The following GABRA3 variants were observed in gnomAD, a reference collection of about 807,000 sequenced individuals.
GABRA3 encodes gamma-aminobutyric acid type A receptor subunit alpha3.
In GABRA3, 10 loss-of-function variants were observed where a neutral mutation model predicts 30.1. That is an observed-to-expected ratio of 0.33 (90% CI 0.20 to 0.56). The LOEUF is 0.56. GABRA3 is among the 20% of genes least tolerant of loss of function. The pLI is 0.89. For missense variants in GABRA3, 233 were observed against 392.0 expected, an observed-to-expected ratio of 0.59 and a Z score of 3.42; for synonymous variants, 151 against 146.8, an observed-to-expected ratio of 1.03 and a Z score of -0.21.
intron 1 of GABRA3, among the ~76,000 whole-genome samples, chrX:152,439,305 G>A (rs1930859453): frequency 9.1e-6 from 1 of 110,176 alleles, no homozygotes. Context: ...GCTAATTTTT[G>A]TATTTTTAGT....
intron 5 of GABRA3, among the ~76,000 whole-genome samples, chrX:152,226,769 A>G (rs1338666079): frequency 8.9e-6 from 1 of 112,073 alleles, no homozygotes; most frequent in Non-Finnish European, 1.9e-5. Flanking sequence ...GCAGCCAAAA[A>G]ACACATGAAA....
intron 2 of GABRA3, among the ~76,000 whole-genome samples, chrX:152,363,727 T>C (rs1158394916): frequency 8.9e-6 from 1 of 112,421 alleles, no homozygotes; most frequent in East Asian, 2.8e-4. Flanking sequence ...CAGAGAATTA[T>C]AGTGTCTCTG....
chrX:152,358,917 T>C (rs1940591829), intron 2 of GABRA3, among the ~76,000 whole-genome samples: 1 of 112,007 alleles, frequency 8.9e-6, no homozygotes. Context: ...AAAGTCTACT[T>C]GATCATGGTG....
At chrX:152,320,568 A>G (rs766555249) in intron 3 of GABRA3, among the ~76,000 whole-genome samples, 9 of 111,028 alleles carry the variant, frequency 8.1e-5, no homozygotes, top group African/African-American at 2.9e-4. Context: ...TTGAGGACTC[A>G]GGGGAAAGGG....
In GABRA3 at chrX:152,405,306, C is replaced by CAAA. The variant is rs1182138088; in HGVS notation, c.-26-40713_-26-40711dup. Among the ~76,000 whole-genome samples the CAAA allele has an allele frequency of 8.2e-3, 275 of 33,708 alleles. 6 individuals are homozygous for CAAA. Among genetic ancestry groups the CAAA allele is most frequent in the African/African-American group, 0.024 (265 of 11,068 alleles). 29.3% of individuals were successfully genotyped at this position (33,708 alleles called of 115,157 possible). ...GCCAGAGGGTACTTACGCACCCTTG[C>CAAA]AAAAAAAAAAAAAAAAAAAAAATGC... On this transcript the variant is annotated intron_variant, in intron 1 of 9. Transcript: ENST00000370314.
At chrX:152,368,975 G>A (rs1327016408) in intron 1 of GABRA3, among the ~76,000 whole-genome samples, 1 of 111,320 alleles carries the variant, frequency 9.0e-6, no homozygotes, top group African/African-American at 3.3e-5. Context: ...AAAGTGCTGG[G>A]ATTACAGGCG....
intron 9 of GABRA3, among the ~76,000 whole-genome samples, chrX:152,186,599 A>ATCTCTCTCTCTCTC (rs765821292): frequency 1.0e-5 from 1 of 96,309 alleles, no homozygotes; most frequent in African/African-American, 3.8e-5. Context: ...TCCTTCCTTT[A>ATCTCTCTCTCTCTC]TCTCTCTCTC....
intron 2 of GABRA3, among the ~76,000 whole-genome samples, chrX:152,355,309 C>T (rs945689981): frequency 9.0e-6 from 1 of 111,631 alleles, no homozygotes; most frequent in African/African-American, 3.3e-5. Flanking sequence ...CTATTCTCCA[C>T]CCCGTTCTCC....
At chrX:152,384,832 T>C (rs1929253520) in intron 1 of GABRA3, among the ~76,000 whole-genome samples, 1 of 111,613 alleles carries the variant, frequency 9.0e-6, no homozygotes, top group Non-Finnish European at 1.9e-5. Flanking sequence ...ATGGTAGACG[T>C]TTGTCACACA....
intron 1 of GABRA3, among the ~76,000 whole-genome samples, chrX:152,385,750 A>G (rs1380120066): frequency 1.8e-5 from 2 of 111,600 alleles, no homozygotes; most frequent in East Asian, 2.8e-4. Flanking sequence ...TCTTTAATCC[A>G]TCTTGAATTA....
At chrX:152,399,138 T>C (rs1929731834) in intron 1 of GABRA3, among the ~76,000 whole-genome samples, 1 of 111,407 alleles carries the variant, frequency 9.0e-6, no homozygotes, top group Non-Finnish European at 1.9e-5. Context: ...TTCTTGGAAG[T>C]ATCTTAAGAT....
At chrX:152,303,828 G>T (rs1001591960) in intron 3 of GABRA3, among the ~76,000 whole-genome samples, 43 of 110,383 alleles carry the variant, frequency 3.9e-4, no homozygotes, top group African/African-American at 1.2e-3. Context: ...GGGGCCAACG[G>T]GGGGAGAGCA....
At chrX:152,408,407 T>C (rs1411948114) in intron 1 of GABRA3, among the ~76,000 whole-genome samples, 2 of 111,636 alleles carry the variant, frequency 1.8e-5, no homozygotes, top group Non-Finnish European at 3.8e-5. Flanking sequence ...ATGCAAAAAT[T>C]AGTAGCATGT....
At position 152,364,580 on chromosome X, in the gene GABRA3, C is replaced by T. The variant is rs1206777229; in HGVS notation, c.-10G>A. On this transcript the variant is annotated 5_prime_UTR_variant, in exon 2 of 10. Coordinates refer to ENST00000370314, the MANE Select transcript of GABRA3 (RefSeq NM_000808.4). ...TTTGTGTGATTATCATCTTCTTAGG[C>T]ACAAACTTGGAGAGACCTGTGAGAT... The T allele has an allele frequency of 8.3e-7, 1 of 1,200,200 alleles. No homozygotes were observed. The highest frequency in any genetic ancestry group is 2.2e-5 in the Admixed American group (1 of 45,412).
intron 3 of GABRA3, among the ~76,000 whole-genome samples, chrX:152,290,751 C>A (rs917438134): frequency 8.9e-6 from 1 of 112,085 alleles, no homozygotes; most frequent in Non-Finnish European, 1.9e-5. Flanking sequence ...GTTTTCCCAG[C>A]ACCATTTATT....
chrX:152,200,959 T>A (rs374984331), intron 7 of GABRA3, among the ~76,000 whole-genome samples: 1 of 112,032 alleles, frequency 8.9e-6, no homozygotes, highest in African/African-American at 3.2e-5. Context: ...TAGTAAGAAC[T>A]GACACCTAGG....
chrX:152,449,367 C>G (rs1931164915), intron 1 of GABRA3, among the ~76,000 whole-genome samples: 1 of 112,046 alleles, frequency 8.9e-6, no homozygotes, highest in Non-Finnish European at 1.9e-5. Flanking sequence ...AGAAATAAAG[C>G]TTAATGAATG....
intron 5 of GABRA3, among the ~76,000 whole-genome samples, chrX:152,246,974 CAG>C (rs954088080): frequency 1.8e-5 from 2 of 111,955 alleles, no homozygotes; most frequent in African/African-American, 6.5e-5. Context: ...ATTTCAGAGG[CAG>C]AGTCTATAAT....
At chrX:152,227,239 G>A (rs915524195) in intron 5 of GABRA3, among the ~76,000 whole-genome samples, 2 of 107,255 alleles carry the variant, frequency 1.9e-5, no homozygotes, top group African/African-American at 6.8e-5. Flanking sequence ...GTAGGGACAT[G>A]GATGAAATTG....
Sources: allele counts gnomAD v4.1 joint callset (sites outside exome capture counted in the v4.1 genomes callset), GRCh38; gene constraint gnomAD v4.1.1; transcripts MANE v1.5; gene names NCBI Gene and HGNC (gene_info 2026-07-23, HGNC 2026-07-21).